The following CIMIP5 variants were observed in gnomAD, a reference collection of about 807,000 sequenced individuals.
CIMIP5 encodes uncharacterized protein C2orf50.
At chr2:11,147,108 A>G in the CIMIP5 span, among the ~76,000 whole-genome samples, 2 of 152,202 alleles carry the variant, frequency 1.3e-5, no homozygotes, top group African/African-American at 4.8e-5. Flanking sequence ...CTTACAGACA[A>G]TGCAACCTAT....
the CIMIP5 span, chr2:11,145,684 A>T: frequency 6.6e-6 from 1 of 152,164 alleles, no homozygotes; most frequent in Admixed American, 6.6e-5. Flanking sequence ...TCCATGAGAC[A>T]CTCCAGGTAT....
the CIMIP5 span, among the ~76,000 whole-genome samples, chr2:11,153,832 G>A: frequency 6.6e-6 from 1 of 151,186 alleles, no homozygotes; most frequent in Non-Finnish European, 1.5e-5. Flanking sequence ...GCAGAGGCAG[G>A]AGAATCACTT....
At chr2:11,145,378 A>G in the CIMIP5 span, 1 of 152,084 alleles carries the variant, frequency 6.6e-6, no homozygotes, top group Admixed American at 6.6e-5. Context: ...TGATCCTCCC[A>G]CCTTGGCCTC....
the CIMIP5 span, among the ~76,000 whole-genome samples, chr2:11,150,121 T>C: frequency 1.3e-5 from 2 of 150,904 alleles, no homozygotes; most frequent in East Asian, 4.0e-4. Context: ...TAATTTTTTG[T>C]ATCTTTAGTA....
chr2:11,133,844 G>A, the CIMIP5 span, among the ~76,000 whole-genome samples: 1 of 152,292 alleles, frequency 6.6e-6, no homozygotes, highest in East Asian at 1.9e-4. Flanking sequence ...TTCCGACTGC[G>A]ACGCGGCCGG....
chr2:11,149,693 T>C, the CIMIP5 span, among the ~76,000 whole-genome samples: 1 of 150,726 alleles, frequency 6.6e-6, no homozygotes, highest in Non-Finnish European at 1.5e-5. Context: ...GGTGACAGAA[T>C]GAGACCCTAT....
chr2:11,134,310 C>T, the CIMIP5 span, among the ~76,000 whole-genome samples: 1 of 152,298 alleles, frequency 6.6e-6, no homozygotes, highest in Admixed American at 6.5e-5. Context: ...CGGGGGCCAC[C>T]CCAGCCCTTA....
chr2:11,138,161 T>C, the CIMIP5 span, among the ~76,000 whole-genome samples: 1 of 152,262 alleles, frequency 6.6e-6, no homozygotes. Context: ...TTTAAAGGAA[T>C]GTTTATTATC....
chr2:11,135,315 T>G, the CIMIP5 span, among the ~76,000 whole-genome samples: 1 of 152,244 alleles, frequency 6.6e-6, no homozygotes. Context: ...CGCATTCCCA[T>G]CAGCAGTATC....
At chr2:11,133,218 C>T in the CIMIP5 span, 11 of 1,280,612 alleles carry the variant, frequency 8.6e-6, no homozygotes, top group East Asian at 2.3e-4. Context: ...CCTGCCCAGG[C>T]TCTCCCGGGG....
the CIMIP5 span, chr2:11,146,706 G>A: frequency 2.0e-5 from 3 of 152,250 alleles, no homozygotes; most frequent in Admixed American, 2.0e-4. Flanking sequence ...TTCTTTCTCA[G>A]TGTCTGACAT....
the CIMIP5 span, among the ~76,000 whole-genome samples, chr2:11,137,316 A>G: frequency 6.6e-6 from 1 of 152,136 alleles, no homozygotes; most frequent in Non-Finnish European, 1.5e-5. Context: ...AGAGGCTGCA[A>G]TCAGCCGAGA....
chr2:11,153,219 G>T, the CIMIP5 span, among the ~76,000 whole-genome samples: 22 of 152,328 alleles, frequency 1.4e-4, no homozygotes, highest in African/African-American at 5.3e-4. Context: ...CTCTTCCACA[G>T]CCCTGCCTCA....
chr2:11,135,496 T>C, the CIMIP5 span, among the ~76,000 whole-genome samples: 2 of 151,846 alleles, frequency 1.3e-5, no homozygotes. Flanking sequence ...AGTGGTGTGA[T>C]CTCGGCTCAT....
At chr2:11,143,535 G>A in the CIMIP5 span, among the ~76,000 whole-genome samples, 186 of 148,502 alleles carry the variant, frequency 1.3e-3, no homozygotes, top group African/African-American at 4.3e-3. Flanking sequence ...TGCGTTTTCT[G>A]TGTGAATGTT....
chr2:11,151,035 G>A, the CIMIP5 span, among the ~76,000 whole-genome samples: 1 of 152,126 alleles, frequency 6.6e-6, no homozygotes, highest in Non-Finnish European at 1.5e-5. Flanking sequence ...GACCTACTGT[G>A]TATGTAAAAA....
chr2:11,148,261 G>A, the CIMIP5 span, among the ~76,000 whole-genome samples: 1 of 151,940 alleles, frequency 6.6e-6, no homozygotes, highest in African/African-American at 2.4e-5. Context: ...GGGATTACAA[G>A]CATGCACCAC....
chr2:11,144,548 A>T, the CIMIP5 span: 1 of 154,726 alleles, frequency 6.5e-6, no homozygotes, highest in African/African-American at 2.4e-5. Context: ...CACAAACTGC[A>T]TAGCTTAAAA....
At chr2:11,149,728 TA>T in the CIMIP5 span, among the ~76,000 whole-genome samples, 4 of 145,660 alleles carry the variant, frequency 2.7e-5, no homozygotes, top group African/African-American at 7.7e-5. Context: ...ATTAATTAAT[TA>T]AAATAAAATA....
Sources: allele counts gnomAD v4.1 joint callset (sites outside exome capture counted in the v4.1 genomes callset), GRCh38; gene constraint gnomAD v4.1.1; transcripts MANE v1.5; gene names NCBI Gene and HGNC (gene_info 2026-07-23, HGNC 2026-07-21).